Variants in PCDHGA5 observed in about 807,000 individuals in gnomAD.
The protein encoded by PCDHGA5 is protocadherin gamma-A5.
In PCDHGA5, 36 loss-of-function variants were observed where a neutral mutation model predicts 56.7. That is an observed-to-expected ratio of 0.64 (90% CI 0.49 to 0.84). PCDHGA5 has a LOEUF of 0.84. Among genes scored for constraint, PCDHGA5 ranks in the 40% least tolerant of loss-of-function variants. The pLI is 0.00. For synonymous variants in PCDHGA5, 563 were observed against 520.2 expected, an observed-to-expected ratio of 1.08 and a Z score of -1.12; for missense variants, 1,305 against 1,201.5, an observed-to-expected ratio of 1.09 and a Z score of -1.27.
chr5:141,500,461 G>A (rs1343646600), intron 2 of PCDHGA5, among the ~76,000 whole-genome samples: 1 of 151,910 alleles, frequency 6.6e-6, no homozygotes, highest in Non-Finnish European at 1.5e-5. Flanking sequence ...CGCCCGCCTC[G>A]GCCTCCCAAA....
chr5:141,378,924 G>A (rs1426450881), intron 1 of PCDHGA5: 5 of 152,202 alleles, frequency 3.3e-5, no homozygotes, highest in African/African-American at 1.2e-4. Flanking sequence ...TCAAAAGTAA[G>A]TTGATGGCCC....
intron 1 of PCDHGA5, among the ~76,000 whole-genome samples, chr5:141,467,395 G>A (rs1197131223): frequency 6.6e-6 from 1 of 152,056 alleles, no homozygotes; most frequent in African/African-American, 2.4e-5. Flanking sequence ...TTAAGTCATA[G>A]TTAGAAAGCC....
chr5:141,400,499 G>A (rs1258690272), intron 1 of PCDHGA5: 8 of 1,613,910 alleles, frequency 5.0e-6, no homozygotes, highest in Non-Finnish European at 6.8e-6. Context: ...TGTAATTCCA[G>A]CGAGTCGACT....
At chr5:141,371,133 T>C (rs772495360) in intron 1 of PCDHGA5, 1 of 1,614,000 alleles carries the variant, frequency 6.2e-7, no homozygotes, top group Non-Finnish European at 8.5e-7. Flanking sequence ...TCAGGACATG[T>C]ACAGGGTCAA....
Position 141,491,094 on chromosome 5 carries a change from G to T in PCDHGA5, c.2422-3713G>T. ...TGCCACAGTCCACAGCCCCAGGACT[G>T]TTCCTCGTGTCTACACACACTGGTG... On this transcript the variant is annotated intron_variant, in intron 1 of 3. Transcript: ENST00000518069. This position sits in a 1 kb window ranked among gnomAD's most constrained non-coding sequence, Gnocchi z 6.9. The T allele has an allele frequency of 6.2e-7, 1 of 1,614,202 alleles. No homozygotes were observed. The highest frequency in any genetic ancestry group is 1.1e-5 in the South Asian group (1 of 91,086).
intron 3 of PCDHGA5, among the ~76,000 whole-genome samples, chr5:141,506,621 G>A (rs143369587): frequency 1.3e-5 from 2 of 152,178 alleles, no homozygotes; most frequent in African/African-American, 4.8e-5. Flanking sequence ...GTGTTACCAG[G>A]GCCAAATGCA....
Position 141,491,279 on chromosome 5 carries a change from T to G in PCDHGA5, c.2422-3528T>G. 1 of 1,614,110 alleles carries G rather than the reference T, an allele frequency of 6.2e-7. No individual in the cohort carries two copies. The highest frequency in any genetic ancestry group is 2.2e-5 in the East Asian group (1 of 44,878). ...GAGGAAATGCCCAAATCCAGTGACT[T>G]CCTCATACACCCTCCTGAGCGTTCA... On this transcript the variant is annotated intron_variant, in intron 1 of 3. Transcript: ENST00000518069. The surrounding 1 kb of genome is among the most constrained non-coding windows in gnomAD (Gnocchi z 6.9).
intron 1 of PCDHGA5, chr5:141,393,707 T>A: frequency 6.2e-7 from 1 of 1,613,882 alleles, no homozygotes; most frequent in African/African-American, 1.3e-5. Flanking sequence ...ATGAAAATAC[T>A]GGGGAAATAT....
chr5:141,394,926 C>T, intron 1 of PCDHGA5: 2 of 1,613,844 alleles, frequency 1.2e-6, no homozygotes, highest in Non-Finnish European at 1.7e-6. Context: ...CTGTGTCTTC[C>T]TCGCCTTTGT....
At chr5:141,473,682 G>A (rs2099326903) in intron 1 of PCDHGA5, among the ~76,000 whole-genome samples, 1 of 152,186 alleles carries the variant, frequency 6.6e-6, no homozygotes, top group Admixed American at 6.5e-5. Context: ...GGGAAGGGCT[G>A]GGGTTCTGAC....
intron 1 of PCDHGA5, among the ~76,000 whole-genome samples, chr5:141,472,026 G>C (rs2099269805): frequency 6.6e-6 from 1 of 152,108 alleles, no homozygotes; most frequent in Non-Finnish European, 1.5e-5. Context: ...ATTGTATGTA[G>C]AAAGCTGTGA....
Position 141,433,407 on chromosome 5 carries a change from T to C in PCDHGA5, c.2422-61400T>C, listed in dbSNP as rs939103465. Among the ~76,000 whole-genome samples, 537 of 125,956 alleles carry C rather than the reference T, an allele frequency of 4.3e-3. 4 individuals carry two copies. Among genetic ancestry groups the C allele is most frequent in the African/African-American group, 0.016 (523 of 33,156 alleles). The allele number at this position is 125,956 out of a possible 152,430, so 82.6% of individuals were successfully genotyped here. On this transcript the variant is annotated intron_variant, in intron 1 of 3. Coordinates refer to ENST00000518069, the MANE Select transcript of PCDHGA5 (RefSeq NM_018918.3). ...TCTATCTATCTATCTATCTATCTATTACTTTCTTGTACAGACAGGAGTCTC... is the reference window on the plus strand; with the variant it reads ...TCTATCTATCTATCTATCTATCTATCACTTTCTTGTACAGACAGGAGTCTC...
At chr5:141,419,548 G>C in intron 1 of PCDHGA5, 1 of 1,611,976 alleles carries the variant, frequency 6.2e-7, no homozygotes, top group Non-Finnish European at 8.5e-7. Context: ...CGCGGGTGCT[G>C]TACCCTGCGC....
chr5:141,484,426 C>T (rs377504062), intron 1 of PCDHGA5, among the ~76,000 whole-genome samples: 1 of 152,188 alleles, frequency 6.6e-6, no homozygotes, highest in African/African-American at 2.4e-5. Context: ...ACAATGAGAA[C>T]ATGTACTGCA....
At chr5:141,415,754 T>C in intron 1 of PCDHGA5, 3 of 1,385,738 alleles carry the variant, frequency 2.2e-6, no homozygotes, top group South Asian at 1.7e-5. Context: ...TTTTTTTTTT[T>C]TTTTTTTTTT....
chr5:141,487,033 A>T lies in PCDHGA5; in HGVS notation c.2422-7774A>T, dbSNP rs1465525110. ...AGGCCCCAGATCCCAGCCTGTTTGC[A>T]GTCTCTCGATATGCTGGGGAGGTGC... On this transcript the variant is annotated intron_variant, in intron 1 of 3. Coordinates refer to ENST00000518069, the MANE Select transcript of PCDHGA5 (RefSeq NM_018918.3). This position sits in a 1 kb window ranked among gnomAD's most constrained non-coding sequence, Gnocchi z 5.0. The T allele has an allele frequency of 6.2e-7, 1 of 1,614,042 alleles. No homozygotes were observed. The highest frequency in any genetic ancestry group is 8.5e-7 in the Non-Finnish European group (1 of 1,180,040).
chr5:141,399,494 G>A, intron 1 of PCDHGA5: 1 of 1,614,032 alleles, frequency 6.2e-7, no homozygotes, highest in Non-Finnish European at 8.5e-7. Flanking sequence ...TACTTAGTCA[G>A]TGTACCCGAA....
In PCDHGA5 at chr5:141,462,383, G is replaced by A. The variant is rs78537075; in HGVS notation, c.2422-32424G>A. Among the ~76,000 whole-genome samples the A allele has an allele frequency of 5.6e-4, 85 of 151,920 alleles. 1 individual carries two copies. In the East Asian group the frequency reaches 0.016, roughly 29 times the overall value. ...GTATAGTTTCTATTCTTTTAAATTC[G>A]TTAACATTTCTTTTATGGCACAGAA... On this transcript the variant is annotated intron_variant, in intron 1 of 3. Transcript: ENST00000518069.
chr5:141,443,172 C>T (rs1454734622), intron 1 of PCDHGA5, among the ~76,000 whole-genome samples: 1 of 152,176 alleles, frequency 6.6e-6, no homozygotes, highest in Non-Finnish European at 1.5e-5. Flanking sequence ...CTACCCATGT[C>T]CACTGCATCA....
Sources: gnomAD v4.1 joint callset for allele counts (sites outside exome capture counted in the v4.1 genomes callset) on GRCh38, gnomAD v4.1.1 for gene constraint, Gnocchi (gnomAD v3.1) non-coding constraint, MANE v1.5 for transcripts, NCBI Gene and HGNC (gene_info 2026-07-23, HGNC 2026-07-21) for gene names.